Variants in PLCL1 observed in about 807,000 individuals in gnomAD.
PLCL1 encodes phospholipase C like 1 (inactive), also known as inactive phospholipase C-like protein 1.
PLCL1 carries 41 observed loss-of-function variants against 84.4 expected under a neutral mutation model. The observed-to-expected ratio is 0.49, with a 90% CI of 0.38 to 0.63. PLCL1 has a LOEUF of 0.63. PLCL1 is among the 30% of genes least tolerant of loss of function. The pLI, the probability that PLCL1 is intolerant of heterozygous loss-of-function variation, is 0.00. For missense variants in PLCL1, 1,206 were observed against 1,367.8 expected, an observed-to-expected ratio of 0.88 and a Z score of 1.87; for synonymous variants, 490 against 488.3, an observed-to-expected ratio of 1.00 and a Z score of -0.05.
At chr2:198,079,593 C>T (rs1692659653) in intron 1 of PLCL1, among the ~76,000 whole-genome samples, 1 of 151,986 alleles carries the variant, frequency 6.6e-6, no homozygotes, top group African/African-American at 2.4e-5. Flanking sequence ...TTGTCTATTG[C>T]TTTACTAGTT....
At chr2:198,038,836 T>A (rs1346555892) in intron 1 of PLCL1, among the ~76,000 whole-genome samples, 1 of 123,060 alleles carries the variant, frequency 8.1e-6, no homozygotes, top group Non-Finnish European at 1.7e-5. Flanking sequence ...GATCCTTTCA[T>A]TAAAGGTCAA....
At chr2:198,066,068 A>G (rs746976498) in intron 1 of PLCL1, among the ~76,000 whole-genome samples, 24 of 152,224 alleles carry the variant, frequency 1.6e-4, no homozygotes, top group Non-Finnish European at 3.2e-4. Context: ...TCCTGAGATT[A>G]CCAATACCAC....
chr2:197,806,406 G>A (rs1418629261), intron 1 of PLCL1, among the ~76,000 whole-genome samples: 4 of 152,160 alleles, frequency 2.6e-5, no homozygotes, highest in Non-Finnish European at 5.9e-5. Flanking sequence ...GTTAAGCTGC[G>A]TAACCAGTGC....
rs116769930 is a variant in PLCL1 at position 198,126,872 on chromosome 2, C to T, written c.3106-19908C>T. 3.9e-3 allele frequency among the ~76,000 whole-genome samples: 592 copies of T among 151,994 alleles called. 8 individuals carry two copies. The highest frequency in any genetic ancestry group is 0.013 in the African/African-American group (552 of 41,470). Reference sequence around the variant, plus strand: ...GAGACATGATTGCACCTCTGCACATCGGCCTGTGTGACAGAGTGAGACCCT... The same window carrying T: ...GAGACATGATTGCACCTCTGCACATTGGCCTGTGTGACAGAGTGAGACCCT... On this transcript the variant is annotated intron_variant, in intron 5 of 5. Transcript: ENST00000428675.
chr2:198,047,245 A>T (rs1574272036), intron 1 of PLCL1, among the ~76,000 whole-genome samples: 2 of 151,892 alleles, frequency 1.3e-5, no homozygotes, highest in South Asian at 2.1e-4. Flanking sequence ...GTTCAGTGGC[A>T]CGATCTCGGC....
chr2:197,812,053 A>G (rs1000619219), intron 1 of PLCL1, among the ~76,000 whole-genome samples: 4 of 152,192 alleles, frequency 2.6e-5, no homozygotes, highest in African/African-American at 9.7e-5. Flanking sequence ...CTTACAAGTG[A>G]GAACATGTGG....
At position 197,998,175 on chromosome 2, in the gene PLCL1, A is replaced by ATGTGTGTGTGTGTG. The variant is rs58332002; in HGVS notation, c.241-85554_241-85541dup. ...GAGTTTCCTTGAGAAGAATGGAGCT[A>ATGTGTGTGTGTGTG]TGTGTGTGTGTGTGTGTGTGTGTGT... On this transcript the variant is annotated intron_variant, in intron 1 of 5. Coordinates refer to ENST00000428675, the MANE Select transcript of PLCL1 (RefSeq NM_006226.4). Among the ~76,000 whole-genome samples, 579 of 131,934 alleles carry ATGTGTGTGTGTGTG rather than the reference A, an allele frequency of 4.4e-3. 3 individuals are homozygous for ATGTGTGTGTGTGTG. Among genetic ancestry groups the ATGTGTGTGTGTGTG allele is most frequent in the Middle Eastern group, 7.7e-3 (2 of 260 alleles). The allele number at this position is 131,934 out of a possible 152,430, so 86.6% of individuals were successfully genotyped here.
At chr2:198,015,621 A>C (rs573413620) in intron 1 of PLCL1, among the ~76,000 whole-genome samples, 45 of 152,308 alleles carry the variant, frequency 3.0e-4, no homozygotes, top group African/African-American at 9.9e-4. Context: ...ACTACTTGTT[A>C]ATACAAATGG....
intron 1 of PLCL1, among the ~76,000 whole-genome samples, chr2:197,841,542 T>G (rs1239157019): frequency 6.6e-6 from 1 of 152,244 alleles, no homozygotes; most frequent in Non-Finnish European, 1.5e-5. Context: ...TGTGGCTTGA[T>G]AGCTCATTTC....
intron 1 of PLCL1, among the ~76,000 whole-genome samples, chr2:197,806,307 C>T (rs1690477533): frequency 6.6e-6 from 1 of 152,178 alleles, no homozygotes; most frequent in African/African-American, 2.4e-5. Flanking sequence ...CATACACACA[C>T]ACACATCCCT....
At chr2:198,122,948 G>T (rs1324177441) in intron 5 of PLCL1, among the ~76,000 whole-genome samples, 1 of 152,028 alleles carries the variant, frequency 6.6e-6, no homozygotes, top group Non-Finnish European at 1.5e-5. Flanking sequence ...GGACAGAAAG[G>T]TTAGCTAATA....
At chr2:197,896,498 T>G (rs1362064816) in intron 1 of PLCL1, among the ~76,000 whole-genome samples, 3 of 152,014 alleles carry the variant, frequency 2.0e-5, no homozygotes, top group African/African-American at 2.4e-5. Context: ...CATTTTTATT[T>G]TATCCATAAA....
chr2:198,018,246 G>A lies in PLCL1; in HGVS notation c.241-65512G>A, dbSNP rs547457729. On this transcript the variant is annotated intron_variant, in intron 1 of 5. Transcript: ENST00000428675. ...AGTCTTCGCAACCTACAGACCAGGA[G>A]ATTCCCTCAGGTGCCTACACCACAA... 5.3e-5 allele frequency among the ~76,000 whole-genome samples: 8 copies of A among 152,298 alleles called. No individual in the cohort carries two copies. The South Asian group carries it at 1.7e-3, about 32-fold the overall frequency.
At chr2:198,012,200 A>G (rs946350791) in intron 1 of PLCL1, among the ~76,000 whole-genome samples, 1 of 152,142 alleles carries the variant, frequency 6.6e-6, no homozygotes, top group Non-Finnish European at 1.5e-5. Flanking sequence ...GTGCAGGTGA[A>G]GAACTTTGAA....
At chr2:198,010,002 A>G (rs916159101) in intron 1 of PLCL1, among the ~76,000 whole-genome samples, 2 of 152,000 alleles carry the variant, frequency 1.3e-5, no homozygotes, top group Non-Finnish European at 2.9e-5. Context: ...TGTATAGAAA[A>G]TGCAACTGAT....
intron 1 of PLCL1, among the ~76,000 whole-genome samples, chr2:198,053,937 A>G (rs1692002896): frequency 6.6e-6 from 1 of 152,202 alleles, no homozygotes; most frequent in African/African-American, 2.4e-5. Context: ...ACTTCAGTGT[A>G]TTGCAGCTGC....
At chr2:197,945,083 A>T (rs1559052699) in intron 1 of PLCL1, among the ~76,000 whole-genome samples, 1 of 152,212 alleles carries the variant, frequency 6.6e-6, no homozygotes, top group Non-Finnish European at 1.5e-5. Flanking sequence ...TTAATATCTT[A>T]TCTAAATGTT....
At chr2:197,819,340 A>G (rs1223954432) in intron 1 of PLCL1, among the ~76,000 whole-genome samples, 1 of 152,106 alleles carries the variant, frequency 6.6e-6, no homozygotes, top group African/African-American at 2.4e-5. Flanking sequence ...TAAACATGAC[A>G]TTGAAATTTT....
chr2:197,910,447 C>T (rs1057328183), intron 1 of PLCL1, among the ~76,000 whole-genome samples: 1 of 152,154 alleles, frequency 6.6e-6, no homozygotes, highest in Non-Finnish European at 1.5e-5. Flanking sequence ...CCTTTTACCC[C>T]ACGACCATCT....
Sources: gnomAD v4.1 joint callset for allele counts (sites outside exome capture counted in the v4.1 genomes callset) on GRCh38, gnomAD v4.1.1 for gene constraint, MANE v1.5 for transcripts, NCBI Gene and HGNC (gene_info 2026-07-23, HGNC 2026-07-21) for gene names.